Variants in GPR158 observed in about 807,000 individuals in gnomAD.
GPR158 encodes the protein metabotropic glycine receptor.
A neutral mutation model predicts 78.2 loss-of-function variants in GPR158; 30 were observed. The ratio of observed to expected loss-of-function variants is 0.38; its 90% confidence interval spans 0.29 to 0.52. GPR158 has a LOEUF of 0.52. GPR158 is among the 20% of genes least tolerant of loss of function. GPR158 has a pLI of 0.83. For synonymous variants in GPR158, 581 were observed against 591.1 expected, an observed-to-expected ratio of 0.98 and a Z score of 0.25; for missense variants, 1,463 against 1,523.5, an observed-to-expected ratio of 0.96 and a Z score of 0.66.
At chr10:25,277,257 A>G (rs1003148719) in intron 2 of GPR158, among the ~76,000 whole-genome samples, 1 of 152,134 alleles carries the variant, frequency 6.6e-6, no homozygotes, top group Non-Finnish European at 1.5e-5. Flanking sequence ...CAGCTCACCT[A>G]TTCATTTATT....
At chr10:25,397,197 C>T (rs1473726312) in intron 3 of GPR158, among the ~76,000 whole-genome samples, 1 of 152,166 alleles carries the variant, frequency 6.6e-6, no homozygotes, top group Non-Finnish European at 1.5e-5. Context: ...TACAGGGCTT[C>T]TATTCCAGAA....
In GPR158 at chr10:25,232,135, A is replaced by G. The variant is rs201256656; in HGVS notation, c.1008+10978A>G. ...ATTTATAATGGAGCCAATCAGGGGG[A>G]AAAAACCTACCTATTAAACCTTTGC... On this transcript the variant is annotated intron_variant, in intron 2 of 10. Transcript: ENST00000376351. 5.3e-5 allele frequency among the ~76,000 whole-genome samples: 6 copies of G among 113,930 alleles called. No individual in the cohort carries two copies. In the East Asian group the frequency reaches 2.3e-3, roughly 43 times the overall value. The allele number at this position is 113,930 out of a possible 152,430, so 74.7% of individuals were successfully genotyped here. A position where few individuals can be genotyped will look rare whatever the true frequency, so the allele number is the denominator to read the frequency against.
chr10:25,488,163 C>T lies in GPR158; in HGVS notation c.1404+21444C>T, dbSNP rs541633894. ...AGTGCTAGGGATCCTGGGTGACTACCATTCCCTCTACCGTGTCCAACCATT... is the reference window on the plus strand; with the variant it reads ...AGTGCTAGGGATCCTGGGTGACTACTATTCCCTCTACCGTGTCCAACCATT... On this transcript the variant is annotated intron_variant, in intron 5 of 10. Coordinates refer to ENST00000376351, the MANE Select transcript of GPR158 (RefSeq NM_020752.3). 5.9e-5 allele frequency among the ~76,000 whole-genome samples: 9 copies of T among 152,210 alleles called. No homozygotes were observed. In the South Asian group the frequency reaches 1.0e-3, roughly 18 times the overall value.
chr10:25,182,189 T>C (rs1352828949), intron 1 of GPR158, among the ~76,000 whole-genome samples: 2 of 152,200 alleles, frequency 1.3e-5, no homozygotes, highest in African/African-American at 4.8e-5. Flanking sequence ...GTTAAGTACA[T>C]AAACTAATAA....
chr10:25,233,050 T>C (rs1853473819), intron 2 of GPR158, among the ~76,000 whole-genome samples: 2 of 152,052 alleles, frequency 1.3e-5, no homozygotes, highest in Non-Finnish European at 2.9e-5. Flanking sequence ...GTGCATGAAG[T>C]AGAAAAGTGT....
chr10:25,570,876 C>T (rs541749434), intron 6 of GPR158, among the ~76,000 whole-genome samples: 24 of 152,100 alleles, frequency 1.6e-4, no homozygotes, highest in Middle Eastern at 6.8e-3. Context: ...GCTGAGATCA[C>T]GCCACTGCAT....
chr10:25,211,576 C>T (rs1266480751), intron 1 of GPR158, among the ~76,000 whole-genome samples: 3 of 152,188 alleles, frequency 2.0e-5, no homozygotes, highest in Admixed American at 1.3e-4. Flanking sequence ...CCCTTATGAC[C>T]AGTCACCTCT....
chr10:25,180,599 T>C (rs1382250277), intron 1 of GPR158, among the ~76,000 whole-genome samples: 1 of 152,184 alleles, frequency 6.6e-6, no homozygotes, highest in African/African-American at 2.4e-5. Context: ...GAGTATTCAA[T>C]TTGAGGTGGA....
At chr10:25,250,427 C>T (rs78455423) in intron 2 of GPR158, among the ~76,000 whole-genome samples, 1 of 146,570 alleles carries the variant, frequency 6.8e-6, no homozygotes. Flanking sequence ...TTGGATCTTT[C>T]CTGCTTTCTC....
chr10:25,212,480 C>T (rs1352650004), intron 1 of GPR158, among the ~76,000 whole-genome samples: 2 of 152,074 alleles, frequency 1.3e-5, no homozygotes, highest in Non-Finnish European at 2.9e-5. Flanking sequence ...TACAATTCGA[C>T]ATGAGATTTA....
At chr10:25,502,035 T>C (rs1835950987) in intron 5 of GPR158, among the ~76,000 whole-genome samples, 1 of 152,136 alleles carries the variant, frequency 6.6e-6, no homozygotes, top group South Asian at 2.1e-4. Flanking sequence ...GCAAATCTGC[T>C]ACTCTCCTCC....
intron 2 of GPR158, among the ~76,000 whole-genome samples, chr10:25,282,909 T>C (rs1854297142): frequency 6.6e-6 from 1 of 152,132 alleles, no homozygotes; most frequent in Non-Finnish European, 1.5e-5. Flanking sequence ...CTCAATGTTT[T>C]CTAATATTTT....
At chr10:25,411,705 A>G (rs1337129230) in intron 3 of GPR158, among the ~76,000 whole-genome samples, 2 of 152,028 alleles carry the variant, frequency 1.3e-5, no homozygotes, top group South Asian at 2.1e-4. Context: ...GGAGGCAGAG[A>G]TGGGCGGATC....
intron 5 of GPR158, among the ~76,000 whole-genome samples, chr10:25,477,081 CA>C (rs1835597239): frequency 6.6e-6 from 1 of 152,062 alleles, no homozygotes; most frequent in Non-Finnish European, 1.5e-5. Context: ...ATGATCACCC[CA>C]AAACCTTAAA....
At chr10:25,224,873 G>T (rs1263426070) in intron 2 of GPR158, among the ~76,000 whole-genome samples, 1 of 152,082 alleles carries the variant, frequency 6.6e-6, no homozygotes, top group Non-Finnish European at 1.5e-5. Flanking sequence ...AAAGGAATCG[G>T]TTAAAAACCC....
chr10:25,257,685 T>G (rs1303907706), intron 2 of GPR158, among the ~76,000 whole-genome samples: 3 of 152,254 alleles, frequency 2.0e-5, no homozygotes, highest in Admixed American at 6.5e-5. Flanking sequence ...TTGTCCATTC[T>G]GCTTACTAAA....
At chr10:25,186,046 C>G (rs1395959569) in intron 1 of GPR158, among the ~76,000 whole-genome samples, 2 of 152,116 alleles carry the variant, frequency 1.3e-5, no homozygotes, top group Non-Finnish European at 2.9e-5. Context: ...TGCAATCAAA[C>G]TAGAACTCAG....
At chr10:25,367,501 A>G (rs1332242843) in intron 2 of GPR158, among the ~76,000 whole-genome samples, 3 of 151,776 alleles carry the variant, frequency 2.0e-5, no homozygotes, top group African/African-American at 2.4e-5. Flanking sequence ...ACACATTTCT[A>G]TACAAAATTT....
chr10:25,368,652 G>A (rs975114403), intron 2 of GPR158, among the ~76,000 whole-genome samples: 6 of 151,732 alleles, frequency 4.0e-5, no homozygotes, highest in Admixed American at 2.0e-4. Context: ...AAATTTGTTC[G>A]GCCATTGTGG....
Sources: allele counts gnomAD v4.1 joint callset (sites outside exome capture counted in the v4.1 genomes callset), GRCh38; gene constraint gnomAD v4.1.1; transcripts MANE v1.5; gene names NCBI Gene and HGNC (gene_info 2026-07-23, HGNC 2026-07-21).